The following KHDRBS3 variants were observed in gnomAD, a reference collection of about 807,000 sequenced individuals.
KHDRBS3 encodes the protein KH domain-containing, RNA-binding, signal transduction-associated protein 3.
Under a neutral mutation model 45.6 loss-of-function variants are expected in KHDRBS3, and 23 were observed. The observed-to-expected ratio is 0.50, with a 90% CI of 0.36 to 0.72. The LOEUF is 0.72. Among genes scored for constraint, KHDRBS3 ranks in the 30% least tolerant of loss-of-function variants. The pLI is 0.00. For synonymous variants in KHDRBS3, 162 were observed against 156.5 expected (o/e 1.04, Z -0.26); for missense variants, 352 against 424.8 (o/e 0.83, Z 1.51).
At chr8:135,538,093 A>G (rs1414318940) in intron 2 of KHDRBS3, among the ~76,000 whole-genome samples, 1 of 152,106 alleles carries the variant, frequency 6.6e-6, no homozygotes, top group African/African-American at 2.4e-5. Context: ...TCATGAGTGA[A>G]GTGATTGAGG....
At chr8:135,465,731 C>A (rs1821663480) in intron 1 of KHDRBS3, among the ~76,000 whole-genome samples, 1 of 152,162 alleles carries the variant, frequency 6.6e-6, no homozygotes, top group Non-Finnish European at 1.5e-5. Context: ...CTGTAAATTT[C>A]CATAATTTTT....
chr8:135,525,268 G>A (rs1442375630), intron 2 of KHDRBS3, among the ~76,000 whole-genome samples: 1 of 152,042 alleles, frequency 6.6e-6, no homozygotes, highest in Non-Finnish European at 1.5e-5. Flanking sequence ...CCTTAGTTTG[G>A]CTTTTTGTGT....
intron 7 of KHDRBS3, among the ~76,000 whole-genome samples, chr8:135,642,053 G>A (rs1413823095): frequency 1.3e-5 from 2 of 152,224 alleles, no homozygotes; most frequent in Non-Finnish European, 2.9e-5. Flanking sequence ...GGCAGTCACA[G>A]ATCACTATGA....
In KHDRBS3 at chr8:135,597,483, C is replaced by T. The variant is rs185655607; in HGVS notation, c.808-9472C>T. ...CTAAAATCCATGTGACCAGCTCCCT[C>T]ACGGCTTTCACATTTGTATTCAAAG... On this transcript the variant is annotated intron_variant, in intron 6 of 8. Coordinates refer to ENST00000355849, the MANE Select transcript of KHDRBS3 (RefSeq NM_006558.3). Among the ~76,000 whole-genome samples, 960 of 152,234 alleles carry T rather than the reference C, an allele frequency of 6.3e-3. 9 individuals are homozygous for T. Among genetic ancestry groups the T allele is most frequent in the Middle Eastern group, 0.021 (6 of 292 alleles).
intron 1 of KHDRBS3, among the ~76,000 whole-genome samples, chr8:135,519,476 C>T (rs536352521): frequency 1.3e-5 from 2 of 152,242 alleles, no homozygotes; most frequent in Admixed American, 1.3e-4. Flanking sequence ...TGGTAATTTG[C>T]TATAATGACT....
intron 5 of KHDRBS3, among the ~76,000 whole-genome samples, chr8:135,558,090 A>G (rs368175919): frequency 6.6e-6 from 1 of 152,146 alleles, no homozygotes; most frequent in Non-Finnish European, 1.5e-5. Flanking sequence ...CATTGAGTAA[A>G]CCATCAGGCT....
rs927178782 is a variant in KHDRBS3, at chr8:135,472,387, T to C, written c.88+14433T>C. ...CACGATGAGGATTCAGTGACCTGCA[T>C]CAAGATGGTGCCTACTAGACTCCAG... On this transcript the variant is annotated intron_variant, in intron 1 of 8. Transcript: ENST00000355849. Among the ~76,000 whole-genome samples the C allele has an allele frequency of 2.3e-4, 35 of 152,292 alleles. 1 individual carries two copies. Among genetic ancestry groups the C allele is most frequent in the African/African-American group, 8.2e-4 (34 of 41,564 alleles).
intron 5 of KHDRBS3, among the ~76,000 whole-genome samples, chr8:135,568,382 T>C: frequency 6.6e-6 from 1 of 152,166 alleles, no homozygotes; most frequent in Non-Finnish European, 1.5e-5. Flanking sequence ...TGCTTATTCA[T>C]GTACCCTCCT....
chr8:135,471,086 A>C (rs891908729), intron 1 of KHDRBS3, among the ~76,000 whole-genome samples: 5 of 152,174 alleles, frequency 3.3e-5, no homozygotes, highest in African/African-American at 1.2e-4. Context: ...CCAGCATGGA[A>C]TACTAGGCCC....
At chr8:135,524,071 A>G (rs774830286) in intron 2 of KHDRBS3, among the ~76,000 whole-genome samples, 1 of 152,172 alleles carries the variant, frequency 6.6e-6, no homozygotes, top group Non-Finnish European at 1.5e-5. Flanking sequence ...GCTGTAGTGC[A>G]GTCACGCGAC....
chr8:135,627,365 G>A (rs1563816222), intron 7 of KHDRBS3, among the ~76,000 whole-genome samples: 1 of 152,298 alleles, frequency 6.6e-6, no homozygotes, highest in Middle Eastern at 3.4e-3. Context: ...TCCTAGGTGA[G>A]TTGGCCTTCT....
intron 4 of KHDRBS3, chr8:135,549,951 A>G (rs1232068980): frequency 6.6e-6 from 1 of 152,236 alleles, no homozygotes; most frequent in Non-Finnish European, 1.5e-5. Context: ...CAAATATGAC[A>G]ATCTATTTCT....
At chr8:135,618,161 T>C (rs1829994029) in intron 7 of KHDRBS3, among the ~76,000 whole-genome samples, 1 of 152,194 alleles carries the variant, frequency 6.6e-6, no homozygotes, top group African/African-American at 2.4e-5. Context: ...CTTAAAAATA[T>C]TTGTGACTTA....
intron 5 of KHDRBS3, among the ~76,000 whole-genome samples, chr8:135,565,203 C>G (rs1586730075): frequency 6.6e-6 from 1 of 151,950 alleles, no homozygotes; most frequent in East Asian, 1.9e-4. Flanking sequence ...AGATTAGCCT[C>G]TGGAATTTCT....
At chr8:135,480,688 A>T (rs1301676275) in intron 1 of KHDRBS3, among the ~76,000 whole-genome samples, 1 of 152,194 alleles carries the variant, frequency 6.6e-6, no homozygotes, top group Non-Finnish European at 1.5e-5. Flanking sequence ...TCCATAAAGC[A>T]ATCAATTTGA....
At chr8:135,464,499 TATG>T (rs1821597891) in intron 1 of KHDRBS3, among the ~76,000 whole-genome samples, 1 of 152,198 alleles carries the variant, frequency 6.6e-6, no homozygotes, top group Non-Finnish European at 1.5e-5. Context: ...CAGTCGAGAG[TATG>T]ATATCAGGGA....
rs1023553699 is a variant in KHDRBS3, at chr8:135,647,181, C to T, written c.*97C>T. 1.6e-5 allele frequency: 6 copies of T among 366,400 alleles called. No individual in the cohort carries two copies. Among genetic ancestry groups the T allele is most frequent in the Admixed American group, 1.3e-4 (3 of 22,488 alleles). 22.7% of individuals were successfully genotyped at this position (366,400 alleles called of 1,614,324 possible). A position where few individuals can be genotyped will look rare whatever the true frequency, so the allele number is the denominator to read the frequency against. The stretch of plus-strand genomic sequence containing the variant: ...ATGAACAATCCCTTTTTAAATAAAT[C>T]AGAATGCTTAAAATCTGAATGGATG... On this transcript the variant is annotated 3_prime_UTR_variant, in exon 9 of 9. Transcript: ENST00000355849.
chr8:135,554,880 A>C (rs941085400), intron 4 of KHDRBS3, among the ~76,000 whole-genome samples: 5 of 152,148 alleles, frequency 3.3e-5, no homozygotes, highest in African/African-American at 1.2e-4. Context: ...TGTCTCCTCT[A>C]AATGTTCTAT....
chr8:135,553,055 T>C (rs1004902762), intron 4 of KHDRBS3, among the ~76,000 whole-genome samples: 4 of 152,160 alleles, frequency 2.6e-5, no homozygotes, highest in African/African-American at 9.7e-5. Context: ...TGTCCATGCA[T>C]ATAGCCTTCC....
Sources: gnomAD v4.1 joint callset for allele counts (sites outside exome capture counted in the v4.1 genomes callset) on GRCh38, gnomAD v4.1.1 for gene constraint, MANE v1.5 for transcripts, NCBI Gene and HGNC (gene_info 2026-07-23, HGNC 2026-07-21) for gene names.